The following ZFYVE26 variants were observed in gnomAD, a reference collection of about 807,000 sequenced individuals.
ZFYVE26 encodes zinc finger FYVE-type containing 26, also known as zinc finger FYVE domain-containing protein 26.
A neutral mutation model predicts 276.5 loss-of-function variants in ZFYVE26; 181 were observed. That is an observed-to-expected ratio of 0.65 (90% CI 0.58 to 0.74). ZFYVE26 has a LOEUF of 0.74. Among genes scored for constraint, ZFYVE26 ranks in the 30% least tolerant of loss-of-function variants. ZFYVE26 has a pLI of 0.00. For synonymous variants in ZFYVE26, 1,129 were observed against 1,203.1 expected (o/e 0.94, Z 1.27); for missense variants, 2,821 against 3,097.9 (o/e 0.91, Z 2.12).
chr14:67,746,352 A>G (rs1182143821), downstream of ZFYVE26, among the ~76,000 whole-genome samples: 1 of 152,166 alleles, frequency 6.6e-6, no homozygotes, highest in African/African-American at 2.4e-5. Context: ...GTTTAAACAC[A>G]TAGGAAATGA....
chr14:67,803,998 T>C, intron 9 of ZFYVE26, 103 bp downstream of exon 9: 9 of 1,518,562 alleles, frequency 5.9e-6, no homozygotes, highest in Non-Finnish European at 8.2e-6. Context: ...ACCACCCTCT[T>C]GAAAGATCTC....
chr14:67,814,038 CTT>C lies in ZFYVE26; in HGVS notation c.219_220del (p.Arg74SerfsTer29). ...TACAAGAAGCCAGACCCAGGCTACT[CTT>C]TGAGGGTTGATGTCCTGCCCACATC... On this transcript the variant is annotated frameshift_variant, in exon 3 of 42. Transcript: ENST00000347230. LOFTEE classifies it high-confidence loss of function. 1 of 1,613,994 alleles carries C rather than the reference CTT, an allele frequency of 6.2e-7. No homozygotes were observed. Among genetic ancestry groups the C allele is most frequent in the Non-Finnish European group, 8.5e-7 (1 of 1,179,936 alleles).
intron 10 of ZFYVE26, 140 bp from the exon 11 acceptor site, chr14:67,798,762 T>C: frequency 8.7e-7 from 1 of 1,146,040 alleles, no homozygotes; most frequent in Non-Finnish European, 1.3e-6. Context: ...GGAACTGAGG[T>C]TACAGTGAGA....
chr14:67,801,456 AG>A, intron 10 of ZFYVE26, among the ~76,000 whole-genome samples: 1 of 152,332 alleles, frequency 6.6e-6, no homozygotes, highest in South Asian at 2.1e-4. Flanking sequence ...AGATCTCTTA[AG>A]AAATCCTTAA....
chr14:67,754,149 A>G lies in ZFYVE26; in HGVS notation c.7050T>C (p.Ala2350=), dbSNP rs139364887. The change falls in exon 38 of 42, where the codon GCT becomes GCC. Residue 2350 remains alanine (A), a synonymous_variant. Coordinates refer to ENST00000347230, the MANE Select transcript of ZFYVE26 (RefSeq NM_015346.4). ...GCAAAGTGGTGATTTGAGAGGTCCC[A>G]GCACTTTCGCACCGATGCAAGAACC... is the stretch of plus-strand genomic sequence containing the variant. ...VTRFLHRCES[A]GTSQITTLPL... 102 of 1,614,270 alleles carry G rather than the reference A, an allele frequency of 6.3e-5. No individual in the cohort carries two copies. Among genetic ancestry groups the G allele is most frequent in the Middle Eastern group, 1.6e-4 (1 of 6,062 alleles).
chr14:67,777,566 C>G lies in ZFYVE26; in HGVS notation c.4967G>C (p.Gly1656Ala), dbSNP rs1402088177. 1 of 1,613,850 alleles carries G rather than the reference C, an allele frequency of 6.2e-7. No individual in the cohort carries two copies. The highest frequency in any genetic ancestry group is 1.7e-5 in the Admixed American group (1 of 60,000). ...TTCACGGTGTATCCTTACCTTGGAT[C>G]CCACATACAGCGCCTGGATTTCACG... is the stretch of plus-strand genomic sequence containing the variant. Reference protein sequence around the residue: ...RHREIQALYVGSKILLTLPEQ... With the variant: ...RHREIQALYVASKILLTLPEQ... Residue 1656 changes from glycine (G) to alanine (A), a missense_variant, in exon 25 of 42, where the codon GGA becomes GCA. By Grantham distance (60) the Gly-to-Ala change is moderately conservative. Coordinates refer to ENST00000347230, the MANE Select transcript of ZFYVE26 (RefSeq NM_015346.4).
At chr14:67,737,239 T>G (rs1480085119) in intron 13 of ZFYVE26, among the ~76,000 whole-genome samples, 1 of 151,932 alleles carries the variant, frequency 6.6e-6, no homozygotes, top group Admixed American at 6.6e-5. Context: ...GTATGCTTCA[T>G]TTCTAAAGGG....
In ZFYVE26 at chr14:67,754,206, C is replaced by A; in HGVS notation, c.6993G>T (p.Met2331Ile). 6.2e-7 allele frequency: 1 copy of A among 1,614,188 alleles called. No homozygotes were observed. The highest frequency in any genetic ancestry group is 1.1e-5 in the South Asian group (1 of 91,060). The change falls in exon 38 of 42, where the codon ATG becomes ATT. Residue 2331 changes from methionine to isoleucine, a missense_variant. Transcript: ENST00000347230. Reference protein sequence around the residue: ...KMTAADVSRHMNTLQLQMEVT... With the variant: ...KMTAADVSRHINTLQLQMEVT... ...CTTCCATCTGCAGCTGAAGTGTGTT[C>A]ATGTGCCTGTGGTGACAGAATATGC...
intron 14 of ZFYVE26, 43 bp downstream of exon 14, chr14:67,793,565 T>C (rs2039875868): frequency 6.2e-7 from 1 of 1,604,886 alleles, no homozygotes; most frequent in South Asian, 1.1e-5. Context: ...CCTTACCTGA[T>C]GCTAAGTCAT....
chr14:67,777,773 A>G (rs377085539), intron 24 of ZFYVE26, 38 bp from the exon 25 acceptor site: 3 of 1,611,448 alleles, frequency 1.9e-6, no homozygotes, highest in Non-Finnish European at 2.5e-6. Context: ...TGTGGCCTGC[A>G]GAAGAGCTCT....
chr14:67,751,847 G>A (rs940131427), intron 40 of ZFYVE26, among the ~76,000 whole-genome samples: 13 of 151,110 alleles, frequency 8.6e-5, no homozygotes, highest in African/African-American at 1.9e-4. Context: ...GGGCGACAGC[G>A]CGAGACTCTG....
At chr14:67,729,813 G>A (rs1241135058) in exon 14 of ZFYVE26, 3 of 486,858 alleles carry the variant, frequency 6.2e-6, no homozygotes, top group Admixed American at 2.2e-5. Flanking sequence ...GCCAAGATTG[G>A]CACTATCTGT....
chr14:67,806,404 T>C, intron 6 of ZFYVE26, 141 bp downstream of exon 6: 1 of 989,096 alleles, frequency 1.0e-6, no homozygotes, highest in Non-Finnish European at 1.6e-6. Flanking sequence ...CCCATGGGAC[T>C]GTGGGAGGGA....
At chr14:67,785,741 G>T in intron 18 of ZFYVE26, 117 bp downstream of exon 18, 1 of 1,388,440 alleles carries the variant, frequency 7.2e-7, no homozygotes, top group Non-Finnish European at 1.0e-6. Context: ...CTAACTAAAG[G>T]GCTGATAGAT....
chr14:67,801,105 G>A (rs1233975201), intron 10 of ZFYVE26, among the ~76,000 whole-genome samples: 2 of 152,010 alleles, frequency 1.3e-5, no homozygotes, highest in Non-Finnish European at 2.9e-5. Context: ...ACAAAAATTA[G>A]CCAGGCTTGG....
chr14:67,752,014 G>T (rs553619694), intron 40 of ZFYVE26, among the ~76,000 whole-genome samples: 1 of 152,292 alleles, frequency 6.6e-6, no homozygotes, highest in South Asian at 2.1e-4. Flanking sequence ...GGACAATTCC[G>T]CAGATAACAG....
intron 13 of ZFYVE26, among the ~76,000 whole-genome samples, chr14:67,737,369 A>G (rs941378388): frequency 6.6e-6 from 1 of 152,184 alleles, no homozygotes; most frequent in Non-Finnish European, 1.5e-5. Context: ...CAGGAAACTT[A>G]CAATCATGGT....
intron 39 of ZFYVE26, 114 bp downstream of exon 39, chr14:67,753,593 T>A: frequency 8.9e-7 from 1 of 1,123,462 alleles, no homozygotes; most frequent in South Asian, 1.3e-5. Context: ...TCATCCCTAA[T>A]GTGCATGTAA....
In ZFYVE26 at chr14:67,755,093, G is replaced by T. The variant is rs372561357; in HGVS notation, c.6944C>A (p.Thr2315Asn). The T allele has an allele frequency of 3.1e-6, 5 of 1,613,988 alleles. 1 individual carries two copies. The African/African-American group carries it at 6.7e-5, about 22-fold the overall frequency. ...AGTCATCTTCTTTCTGAAGAATGTG[G>T]TTTTCTTCCTTCCAGAGCTGCGGGA... ...ETSRSSGRKK[T>N]TFFRKKMTAA... The change falls in exon 37 of 42, where the codon ACC becomes AAC. Residue 2315 changes from threonine to asparagine, a missense_variant. By Grantham distance (65) the Thr-to-Asn change is moderately conservative. Transcript: ENST00000347230.
Sources: gnomAD v4.1 joint callset for allele counts (sites outside exome capture counted in the v4.1 genomes callset) on GRCh38, gnomAD v4.1.1 for gene constraint, MANE v1.5 for transcripts, NCBI Gene and HGNC (gene_info 2026-07-23, HGNC 2026-07-21) for gene names.